SLX4: variants seen among roughly 807,000 people sequenced by gnomAD.
SLX4 encodes the protein SLX4 structure-specific endonuclease subunit, also known as structure-specific endonuclease subunit SLX4.
In SLX4, 112 loss-of-function variants were observed where a neutral mutation model predicts 146.2. That is an observed-to-expected ratio of 0.77 (90% confidence interval 0.66 to 0.90). The LOEUF is 0.90. Ranked by LOEUF, SLX4 falls within the 40% of genes least tolerant of loss-of-function variation. The pLI is 0.00. For synonymous variants in SLX4, 1,061 were observed against 997.7 expected, an observed-to-expected ratio of 1.06 and a Z score of -1.20; for missense variants, 2,563 against 2,392.7, an observed-to-expected ratio of 1.07 and a Z score of -1.49.
chr16:3,588,863 G>A, intron 12 of SLX4, 139 bp downstream of exon 12: 1 of 1,053,162 alleles, frequency 9.5e-7, no homozygotes, highest in Non-Finnish European at 1.5e-6. Context: ...GGGGAGTCTG[G>A]AAGGCAGCGG....
At chr16:3,601,832 T>G (rs1596530309) in intron 4 of SLX4, 1 of 420,266 alleles carries the variant, frequency 2.4e-6, no homozygotes, top group Non-Finnish European at 4.5e-6. Flanking sequence ...TGCCAATGGG[T>G]GTGGGGATTC....
rs1343852438 is a variant in SLX4, at chr16:3,590,778, C to T, written c.2860G>A (p.Gly954Ser). 8.1e-6 allele frequency: 13 copies of T among 1,614,040 alleles called. No individual in the cohort carries two copies. The highest frequency in any genetic ancestry group is 1.7e-5 in the Admixed American group (1 of 60,026). Residue 954 changes from glycine to serine, a missense_variant, in exon 12 of 15, where the codon GGC (glycine) becomes AGC (serine). By Grantham distance (56) the Gly-to-Ser change is moderately conservative. Transcript: ENST00000294008. This position sits in a 1 kb window ranked among gnomAD's most constrained non-coding sequence, Gnocchi z 4.8. Reference sequence around the variant, plus strand: ...GAAGGGCTGGAGCAGCTGGAATGGCCAAGCGCCTCCTCTGGCGCCTCCTGC... The same window carrying T: ...GAAGGGCTGGAGCAGCTGGAATGGCTAAGCGCCTCCTCTGGCGCCTCCTGC... ...PEQEAPEEAL[G>S]HSSCSSPSRD...
Position 3,594,607 on chromosome 16 carries a change from A to C in SLX4, c.2014-8T>G. On this transcript the variant is annotated splice_polypyrimidine_tract_variant and splice_region_variant and intron_variant, in intron 9 of 14. Coordinates refer to ENST00000294008, the MANE Select transcript of SLX4 (RefSeq NM_032444.4). Reference sequence around the variant, plus strand: ...CAGCAGCCCGAGGGAGAGCTGAAGCAGGAGGAGAGGAAGAGCCGTCACCTC... The same window carrying C: ...CAGCAGCCCGAGGGAGAGCTGAAGCCGGAGGAGAGGAAGAGCCGTCACCTC... 1 of 1,613,750 alleles carries C rather than the reference A, an allele frequency of 6.2e-7. No homozygotes were observed. Among genetic ancestry groups the C allele is most frequent in the Non-Finnish European group, 8.5e-7 (1 of 1,179,740 alleles).
chr16:3,606,754 T>A, intron 2 of SLX4, 56 bp from the exon 3 acceptor site: 1 of 1,588,496 alleles, frequency 6.3e-7, no homozygotes, highest in Admixed American at 1.7e-5. Context: ...AATAAAAGAC[T>A]TTTCTACCAG....
rs114600718 is a variant in SLX4, at chr16:3,581,768, C to T, written c.*574G>A. 3.9e-3 allele frequency: 632 copies of T among 163,202 alleles called. 3 individuals are homozygous for T. Among genetic ancestry groups the T allele is most frequent in the African/African-American group, 0.014 (584 of 41,682 alleles). 10.1% of individuals were successfully genotyped at this position (163,202 alleles called of 1,614,324 possible). On this transcript the variant is annotated 3_prime_UTR_variant, in exon 15 of 15. Transcript: ENST00000294008. Reference sequence around the variant, plus strand: ...GTTAAGGGAGACACACTGGGCCGGGCGCAGTGGCTGGCGCCTGTGATCCCA... The same window carrying T: ...GTTAAGGGAGACACACTGGGCCGGGTGCAGTGGCTGGCGCCTGTGATCCCA...
Position 3,583,463 on chromosome 16 carries a change from T to C in SLX4, c.4787A>G (p.Lys1596Arg). The stretch of plus-strand genomic sequence containing the variant: ...CTGGTGAGTGTACTGGAATATCTCC[T>C]TCAGCTTCAGAACCATCTGGCGTTT... ...LPKRQMVLKLKEIFQYTHQTL... is the reference protein window; with the variant it reads ...LPKRQMVLKLREIFQYTHQTL... The change falls in exon 14 of 15, where the codon AAG (lysine) becomes AGG (arginine). Residue 1596 changes from lysine to arginine, a missense_variant. Physicochemically the swap from Lys to Arg is conservative, Grantham distance 26. Transcript: ENST00000294008. The C allele has an allele frequency of 6.2e-7, 1 of 1,614,178 alleles. No homozygotes were observed. Among genetic ancestry groups the C allele is most frequent in the South Asian group, 1.1e-5 (1 of 91,086 alleles).
At position 3,590,863 on chromosome 16, in the gene SLX4, C is replaced by A. The variant is rs2040581392; in HGVS notation, c.2775G>T (p.Gln925His). 6.2e-7 allele frequency: 1 copy of A among 1,614,024 alleles called. No homozygotes were observed. The highest frequency in any genetic ancestry group is 1.3e-5 in the African/African-American group (1 of 74,912). Residue 925 changes from glutamine to histidine, a missense_variant, in exon 12 of 15, where the codon CAG becomes CAT. By Grantham distance (24) the Gln-to-His change is conservative. Coordinates refer to ENST00000294008, the MANE Select transcript of SLX4 (RefSeq NM_032444.4). This position sits in a 1 kb window ranked among gnomAD's most constrained non-coding sequence, Gnocchi z 4.8. ...EAATTWEKMGQCALPPPQGQH... is the reference protein window; with the variant it reads ...EAATTWEKMGHCALPPPQGQH... ...GGCCCTGGGGTGGCGGGAGAGCGCA[C>A]TGTCCCATCTTCTCCCAGGTGGTGG...
In SLX4 at chr16:3,591,005, T is replaced by C; in HGVS notation, c.2633A>G (p.Asp878Gly). Residue 878 changes from aspartate to glycine, a missense_variant, in exon 12 of 15, where the codon GAC becomes GGC. Physicochemically the swap from Asp to Gly is moderately conservative, Grantham distance 94. Coordinates refer to ENST00000294008, the MANE Select transcript of SLX4 (RefSeq NM_032444.4). ...ERAAGAGEDADWLEGGSPVSG... is the reference protein window; with the variant it reads ...ERAAGAGEDAGWLEGGSPVSG... ...AACCGGACTGCCACCCTCCAGCCAG[T>C]CAGCGTCCTCGCCGGCACCCGCTGC... The C allele has an allele frequency of 6.2e-7, 1 of 1,614,176 alleles. No homozygotes were observed. Among genetic ancestry groups the C allele is most frequent in the Non-Finnish European group, 8.5e-7 (1 of 1,180,036 alleles).
chr16:3,589,256 G>T lies in SLX4; in HGVS notation c.4382C>A (p.Ala1461Asp). The T allele has an allele frequency of 6.2e-7, 1 of 1,604,744 alleles. No homozygotes were observed. The highest frequency in any genetic ancestry group is 8.5e-7 in the Non-Finnish European group (1 of 1,173,974). ...GGAGCGACAGTCACGGCTGTCGGCG[G>T]CCTCGTTCATCCTGCGGCTGGGGCT... ...TSSPSRRMNEAADSRDCRSPG... is the reference protein window; with the variant it reads ...TSSPSRRMNEDADSRDCRSPG... The change falls in exon 12 of 15, where the codon GCC becomes GAC. Residue 1461 changes from alanine (A) to aspartate (D), a missense_variant. By Grantham distance (126) the Ala-to-Asp change is moderately radical. Transcript: ENST00000294008. This position sits in a 1 kb window ranked among gnomAD's most constrained non-coding sequence, Gnocchi z 6.2.
chr16:3,608,804 A>C lies in SLX4; in HGVS notation c.161T>G (p.Leu54Arg). 1.2e-6 allele frequency: 2 copies of C among 1,614,132 alleles called. No individual in the cohort carries two copies. Among genetic ancestry groups the C allele is most frequent in the Non-Finnish European group, 8.5e-7 (1 of 1,180,036 alleles). ...MDESDEDFKE[L>R]CASFFQRVKK... ...CACCCTTTGGAAAAAGCTAGCGCAG[A>C]GTTCTTTAAAGTCCTCATCAGACTC... Residue 54 changes from leucine (L) to arginine (R), a missense_variant, in exon 2 of 15, where the codon CTC (leucine) becomes CGC (arginine). Coordinates refer to ENST00000294008, the MANE Select transcript of SLX4 (RefSeq NM_032444.4).
In SLX4 at chr16:3,597,470, C is replaced by T. The variant is rs1181148273; in HGVS notation, c.1592G>A (p.Trp531Ter). The change falls in exon 7 of 15, where the codon TGG becomes TAG. Residue 531 changes from tryptophan (W) to a stop codon, truncating the protein, a stop_gained. Coordinates refer to ENST00000294008, the MANE Select transcript of SLX4 (RefSeq NM_032444.4). LOFTEE classifies it high-confidence loss of function. The surrounding 1 kb of genome is among the most constrained non-coding windows in gnomAD (Gnocchi z 4.4). ...GGCCCCAGTCAGTGCGCTGCCCTCC[C>T]ACAGAAAGCTCTGCTTGCGTTCAGG... ...PPPERKQSFLWEGSALTGAWA... is the reference protein window; with the variant it reads ...PPPERKQSFL The T allele has an allele frequency of 6.2e-7, 1 of 1,613,862 alleles. No homozygotes were observed. Among genetic ancestry groups the T allele is most frequent in the Non-Finnish European group, 8.5e-7 (1 of 1,179,964 alleles).
At chr16:3,587,263 G>A (rs1332886819) in intron 12 of SLX4, among the ~76,000 whole-genome samples, 4 of 152,162 alleles carry the variant, frequency 2.6e-5, no homozygotes, top group African/African-American at 7.2e-5. Context: ...TTGGGAGGCC[G>A]AGGTGGGCGG....
rs1355830368 is a variant in SLX4, at chr16:3,606,996, G to A, written c.536-298C>T. On this transcript the variant is annotated intron_variant, in intron 2 of 14. Coordinates refer to ENST00000294008, the MANE Select transcript of SLX4 (RefSeq NM_032444.4). ...AGTGGTGGTGGTTGGACAAGTCTGTGAATATACTAAAAACCACTGAACCAT... is the reference window on the plus strand; with the variant it reads ...AGTGGTGGTGGTTGGACAAGTCTGTAAATATACTAAAAACCACTGAACCAT... 3.3e-5 allele frequency among the ~76,000 whole-genome samples: 5 copies of A among 152,176 alleles called. No individual in the cohort carries two copies. The East Asian group carries it at 9.6e-4, about 29-fold the overall frequency.
At chr16:3,605,910 G>GCA (rs1230624157) in intron 3 of SLX4, among the ~76,000 whole-genome samples, 1 of 128,552 alleles carries the variant, frequency 7.8e-6, no homozygotes, top group Non-Finnish European at 1.5e-5. Flanking sequence ...TCGTGCCACT[G>GCA]CACTCCAGCC....
At chr16:3,591,442 G>A (rs979352605) in intron 11 of SLX4, 132 bp from the exon 12 acceptor site, 93 of 1,341,638 alleles carry the variant, frequency 6.9e-5, no homozygotes, top group Middle Eastern at 2.5e-4. Context: ...GCTTCCCTTT[G>A]AAGACGGTGT....
At chr16:3,600,803 C>T (rs1274769832) in intron 5 of SLX4, 176 bp downstream of exon 5, 1 of 641,982 alleles carries the variant, frequency 1.6e-6, no homozygotes, top group Non-Finnish European at 2.7e-6. Flanking sequence ...ACCATGTCGG[C>T]CAGGCTGGTA....
rs1052504775 is a variant in SLX4 at position 3,581,894 on chromosome 16, T to A, written c.*448A>T. 3 of 203,302 alleles carry A rather than the reference T, an allele frequency of 1.5e-5. No individual in the cohort carries two copies. Among genetic ancestry groups the A allele is most frequent in the Admixed American group, 1.1e-4 (2 of 19,040 alleles). 12.6% of individuals were successfully genotyped at this position (203,302 alleles called of 1,614,324 possible). ...CCCGTTTCTACTAAAATATAAAAAATCAGCTGGGCGTGGCAGCGTGTGCCT... is the reference window on the plus strand; with the variant it reads ...CCCGTTTCTACTAAAATATAAAAAAACAGCTGGGCGTGGCAGCGTGTGCCT... On this transcript the variant is annotated 3_prime_UTR_variant, in exon 15 of 15. Transcript: ENST00000294008.
At chr16:3,584,692 C>T (rs1159050140) in intron 13 of SLX4, 77 bp downstream of exon 13, 11 of 1,168,756 alleles carry the variant, frequency 9.4e-6, no homozygotes, top group Non-Finnish European at 1.2e-5. Context: ...GGCCCTTCCG[C>T]CCCCAGGTGT....
At position 3,589,837 on chromosome 16, in the gene SLX4, A is replaced by ACGG; in HGVS notation, c.3798_3800dup (p.Arg1267dup). ...TGATTTGGGTCTGGGAAGAACAGTCACGGCTTCTGCTGGCCAGCGGGGTGG... is the reference window on the plus strand; with the variant it reads ...TGATTTGGGTCTGGGAAGAACAGTCACGGCGGCTTCTGCTGGCCAGCGGGGTGG... On this transcript the variant is annotated inframe_insertion, in exon 12 of 15. Coordinates refer to ENST00000294008, the MANE Select transcript of SLX4 (RefSeq NM_032444.4). This position sits in a 1 kb window ranked among gnomAD's most constrained non-coding sequence, Gnocchi z 6.2. 1 of 1,613,466 alleles carries ACGG rather than the reference A, an allele frequency of 6.2e-7. No homozygotes were observed. Among genetic ancestry groups the ACGG allele is most frequent in the Non-Finnish European group, 8.5e-7 (1 of 1,180,024 alleles).
Sources: allele counts gnomAD v4.1 joint callset (sites outside exome capture counted in the v4.1 genomes callset), GRCh38; gene constraint gnomAD v4.1.1; non-coding constraint Gnocchi (gnomAD v3.1); transcripts MANE v1.5; gene names NCBI Gene and HGNC (gene_info 2026-07-23, HGNC 2026-07-21).